RALGAPA2: variants seen among roughly 807,000 people sequenced by gnomAD.
RALGAPA2 encodes Ral GTPase activating protein catalytic subunit alpha 2.
A neutral mutation model predicts 230.4 loss-of-function variants in RALGAPA2; 139 were observed. That is an observed-to-expected ratio of 0.60 (90% confidence interval 0.53 to 0.69). RALGAPA2 has a LOEUF of 0.69. Ranked by LOEUF, RALGAPA2 falls within the 30% of genes least tolerant of loss-of-function variation. RALGAPA2 has a pLI of 0.00. For synonymous variants in RALGAPA2, 847 were observed against 837.8 expected, an observed-to-expected ratio of 1.01 and a Z score of -0.19; for missense variants, 2,163 against 2,276.0, an observed-to-expected ratio of 0.95 and a Z score of 1.01.
chr20:20,573,587 T>C (rs2064719666), intron 20 of RALGAPA2, among the ~76,000 whole-genome samples: 3 of 152,178 alleles, frequency 2.0e-5, no homozygotes, highest in South Asian at 4.1e-4. Flanking sequence ...CTCCAAAAAG[T>C]GCCCCTTCAT....
chr20:20,415,353 T>C (rs1460018965), intron 37 of RALGAPA2, among the ~76,000 whole-genome samples: 6 of 152,266 alleles, frequency 3.9e-5, no homozygotes, highest in Non-Finnish European at 1.5e-5. Flanking sequence ...CCTGTTTCAA[T>C]ACTAGCCATG....
intron 1 of RALGAPA2, among the ~76,000 whole-genome samples, chr20:20,683,952 G>A (rs1317066254): frequency 2.6e-5 from 4 of 152,146 alleles, no homozygotes; most frequent in Non-Finnish European, 5.9e-5. Context: ...TAACTTCTGA[G>A]CACACTTAAT....
chr20:20,642,676 T>C (rs1209869205), intron 5 of RALGAPA2, among the ~76,000 whole-genome samples: 3 of 152,218 alleles, frequency 2.0e-5, no homozygotes, highest in African/African-American at 7.2e-5. Flanking sequence ...AGGTTTTAAC[T>C]ACAAGCCTAT....
chr20:20,579,331 G>A (rs562816206), intron 20 of RALGAPA2, among the ~76,000 whole-genome samples: 13 of 152,004 alleles, frequency 8.6e-5, no homozygotes, highest in African/African-American at 1.5e-4. Context: ...CAATATTCTC[G>A]GAAGCAAGAA....
At chr20:20,401,685 C>T (rs1569362515) in intron 38 of RALGAPA2, among the ~76,000 whole-genome samples, 1 of 152,130 alleles carries the variant, frequency 6.6e-6, no homozygotes, top group Non-Finnish European at 1.5e-5. Flanking sequence ...TGTGGGAGGA[C>T]AGTGAGTTCT....
At chr20:20,475,279 C>A (rs2061625892) in intron 36 of RALGAPA2, among the ~76,000 whole-genome samples, 1 of 152,044 alleles carries the variant, frequency 6.6e-6, no homozygotes, top group African/African-American at 2.4e-5. Flanking sequence ...AAACTATGGA[C>A]TAATATCTCT....
In RALGAPA2 at chr20:20,390,374, A is replaced by G. The variant is rs1205452189; in HGVS notation, c.*2915T>C. ...CTTCACTTCTGTCTGCTGAAGGCTT[A>G]TTTTTAAAAAGTCATAATTTTTTAA... On this transcript the variant is annotated 3_prime_UTR_variant, in exon 40 of 40. Transcript: ENST00000202677. 1 of 152,222 alleles carries G rather than the reference A, an allele frequency of 6.6e-6. No individual in the cohort carries two copies. The highest frequency in any genetic ancestry group is 1.5e-5 in the Non-Finnish European group (1 of 68,034). 9.4% of individuals were successfully genotyped at this position (152,222 alleles called of 1,614,324 possible).
chr20:20,591,399 TAA>T, intron 16 of RALGAPA2, 85 bp from the exon 17 acceptor site: 2 of 1,419,198 alleles, frequency 1.4e-6, no homozygotes, highest in Non-Finnish European at 1.9e-6. Context: ...ATTTAAAAAA[TAA>T]AGTTTCAAAT....
Position 20,712,271 on chromosome 20 carries a change from C to CCCCA in RALGAPA2, c.106+103_106+104insTGGG. On this transcript the variant is annotated intron_variant, in intron 1 of 39. Coordinates refer to ENST00000202677, the MANE Select transcript of RALGAPA2 (RefSeq NM_020343.4). The surrounding 1 kb of genome is among the most constrained non-coding windows in gnomAD (Gnocchi z 5.5). ...GAAGGGGGTCGGACGCCCACCCATC[C>CCCCA]CCCTCCCCAGCCTCCCAGCCACCGA... The CCCCA allele has an allele frequency of 2.2e-6, 2 of 913,802 alleles. No homozygotes were observed. Among genetic ancestry groups the CCCCA allele is most frequent in the East Asian group, 4.3e-5 (1 of 23,464 alleles). 56.6% of individuals were successfully genotyped at this position (913,802 alleles called of 1,614,324 possible).
At chr20:20,465,197 A>ACACACACACACACACACACTCT (rs772089136) in intron 37 of RALGAPA2, among the ~76,000 whole-genome samples, 11 of 147,438 alleles carry the variant, frequency 7.5e-5, no homozygotes, top group East Asian at 2.1e-4. Context: ...ACACACACAC[A>ACACACACACACACACACACTCT]CTCTCTCATA....
At position 20,637,582 on chromosome 20, in the gene RALGAPA2, A is replaced by G; in HGVS notation, c.667-81T>C. 3.2e-6 allele frequency: 4 copies of G among 1,249,318 alleles called. No individual in the cohort carries two copies. The South Asian group carries it at 6.6e-5, about 21-fold the overall frequency. The allele number at this position is 1,249,318 out of a possible 1,614,324, so 77.4% of individuals were successfully genotyped here. ...TACTAAACTGAAGTGTTGTTATGTTACTAAAATTCCTAACCTAAATGTAAA... is the reference window on the plus strand; with the variant it reads ...TACTAAACTGAAGTGTTGTTATGTTGCTAAAATTCCTAACCTAAATGTAAA... On this transcript the variant is annotated intron_variant, in intron 7 of 39. Transcript: ENST00000202677.
intron 38 of RALGAPA2, among the ~76,000 whole-genome samples, chr20:20,404,022 C>G (rs1232736649): frequency 1.3e-5 from 2 of 152,202 alleles, no homozygotes; most frequent in Non-Finnish European, 2.9e-5. Context: ...GCAAGAGGAG[C>G]CTCTGCGTGG....
intron 34 of RALGAPA2, among the ~76,000 whole-genome samples, chr20:20,504,684 C>T (rs769351394): frequency 6.6e-6 from 1 of 151,170 alleles, no homozygotes; most frequent in East Asian, 1.9e-4. Flanking sequence ...CGAGATTGTG[C>T]GACTGCACTC....
intron 37 of RALGAPA2, among the ~76,000 whole-genome samples, chr20:20,432,668 A>G (rs1302399632): frequency 6.6e-6 from 1 of 152,224 alleles, no homozygotes; most frequent in Non-Finnish European, 1.5e-5. Flanking sequence ...ACTGGAAAAT[A>G]CATTCCACCA....
At chr20:20,576,573 T>C (rs1269671231) in intron 20 of RALGAPA2, among the ~76,000 whole-genome samples, 3 of 152,150 alleles carry the variant, frequency 2.0e-5, no homozygotes, top group Admixed American at 1.3e-4. Flanking sequence ...TTGCTTTATT[T>C]AGAATTTTTT....
intron 37 of RALGAPA2, among the ~76,000 whole-genome samples, chr20:20,459,610 G>A (rs1158525642): frequency 6.6e-6 from 1 of 151,992 alleles, no homozygotes; most frequent in African/African-American, 2.4e-5. Context: ...TCAAGAGCAT[G>A]CTGTTCACCA....
chr20:20,520,827 C>G, intron 31 of RALGAPA2, 90 bp downstream of exon 31: 1 of 1,150,104 alleles, frequency 8.7e-7, no homozygotes, highest in Non-Finnish European at 1.2e-6. Flanking sequence ...ACTTCAACAA[C>G]TAGATTAAAA....
chr20:20,517,977 T>C (rs1315827493), intron 31 of RALGAPA2, among the ~76,000 whole-genome samples: 1 of 152,114 alleles, frequency 6.6e-6, no homozygotes, highest in African/African-American at 2.4e-5. Flanking sequence ...ATGAAATCTT[T>C]GAAATACCAG....
intron 37 of RALGAPA2, among the ~76,000 whole-genome samples, chr20:20,442,119 T>C (rs1249793250): frequency 1.3e-5 from 2 of 152,232 alleles, no homozygotes; most frequent in Non-Finnish European, 2.9e-5. Context: ...AGCCGGGGTG[T>C]GAATTCACTT....
Sources: gnomAD v4.1 joint callset for allele counts (sites outside exome capture counted in the v4.1 genomes callset) on GRCh38, gnomAD v4.1.1 for gene constraint, Gnocchi (gnomAD v3.1) non-coding constraint, MANE v1.5 for transcripts, NCBI Gene and HGNC (gene_info 2026-07-23, HGNC 2026-07-21) for gene names.